Variants in LIMCH1 observed in about 807,000 individuals in gnomAD.
LIMCH1 encodes the protein LIM and calponin homology domains 1.
Under a neutral mutation model 176.5 loss-of-function variants are expected in LIMCH1, and 113 were observed. The ratio of observed to expected loss-of-function variants is 0.64; its 90% CI spans 0.55 to 0.75. The LOEUF (loss-of-function observed/expected upper bound fraction) is 0.75. Ranked by LOEUF, LIMCH1 falls within the 30% of genes least tolerant of loss-of-function variation. The probability of loss-of-function intolerance (pLI) is 0.00; values close to 1 mark genes in which losing one functional copy is unlikely to be tolerated. For missense variants in LIMCH1, 1,674 were observed against 1,814.9 expected, an observed-to-expected ratio of 0.92 and a Z score of 1.41; for synonymous variants, 619 against 645.9, an observed-to-expected ratio of 0.96 and a Z score of 0.63.
At chr4:41,565,275 A>G (rs1227776832) in intron 1 of LIMCH1, among the ~76,000 whole-genome samples, 2 of 151,296 alleles carry the variant, frequency 1.3e-5, no homozygotes, top group Admixed American at 6.6e-5. Flanking sequence ...TGCTTTATGC[A>G]TAGTGATTCG....
At chr4:41,638,841 A>G (rs1020293664) in intron 13 of LIMCH1, 91 bp from the exon 14 acceptor site, 43 of 1,022,170 alleles carry the variant, frequency 4.2e-5, no homozygotes, top group Middle Eastern at 2.0e-4. Flanking sequence ...TTTGGCGCAC[A>G]TGTATTTCAC....
At chr4:41,630,532 T>A (rs2093263265) in intron 9 of LIMCH1, among the ~76,000 whole-genome samples, 1 of 152,220 alleles carries the variant, frequency 6.6e-6, no homozygotes, top group Non-Finnish European at 1.5e-5. Context: ...TGCCCTTGTT[T>A]ATGATGTTAG....
intron 14 of LIMCH1, among the ~76,000 whole-genome samples, chr4:41,641,474 T>C (rs931615517): frequency 6.6e-6 from 1 of 151,160 alleles, no homozygotes; most frequent in Non-Finnish European, 1.5e-5. Context: ...AAAAAAAAAA[T>C]CTTGAGAAAA....
At chr4:41,678,767 A>T (rs1713212225) in intron 23 of LIMCH1, among the ~76,000 whole-genome samples, 1 of 149,210 alleles carries the variant, frequency 6.7e-6, no homozygotes, top group Admixed American at 6.8e-5. Flanking sequence ...TGCATCTTTC[A>T]CTCTCTGCAT....
chr4:41,528,754 G>A (rs2076949703), intron 3 of LIMCH1, among the ~76,000 whole-genome samples: 1 of 152,130 alleles, frequency 6.6e-6, no homozygotes, highest in African/African-American at 2.4e-5. Flanking sequence ...CATTAAGATG[G>A]CCCAGCTGCT....
intron 2 of LIMCH1, among the ~76,000 whole-genome samples, chr4:41,501,429 C>G (rs559312443): frequency 6.6e-6 from 1 of 152,156 alleles, no homozygotes; most frequent in South Asian, 2.1e-4. Context: ...CTTAGAAGGC[C>G]GAAAAGATTC....
At chr4:41,400,864 C>T (rs770009301) in intron 1 of LIMCH1, among the ~76,000 whole-genome samples, 8 of 152,040 alleles carry the variant, frequency 5.3e-5, no homozygotes, top group Admixed American at 6.6e-5. Flanking sequence ...TCTTGGAGCC[C>T]GCTTTTTGTT....
At chr4:41,678,994 G>T (rs563167347) in intron 23 of LIMCH1, among the ~76,000 whole-genome samples, 3 of 152,258 alleles carry the variant, frequency 2.0e-5, no homozygotes, top group East Asian at 1.9e-4. Flanking sequence ...GATCAACAAT[G>T]ATTTTGTTAG....
intron 31 of LIMCH1, among the ~76,000 whole-genome samples, chr4:41,696,679 G>A (rs1730923969): frequency 6.6e-6 from 1 of 152,106 alleles, no homozygotes; most frequent in Non-Finnish European, 1.5e-5. Context: ...ATACTGTACT[G>A]GGTATTGCGT....
At chr4:41,388,862 C>T (rs1026747214) in intron 1 of LIMCH1, among the ~76,000 whole-genome samples, 1 of 152,128 alleles carries the variant, frequency 6.6e-6, no homozygotes, top group Non-Finnish European at 1.5e-5. Flanking sequence ...AGGCTGGTCT[C>T]GAACTCCAGA....
At chr4:41,369,183 C>A (rs902081290) in intron 1 of LIMCH1, among the ~76,000 whole-genome samples, 1 of 152,140 alleles carries the variant, frequency 6.6e-6, no homozygotes, top group African/African-American at 2.4e-5. Flanking sequence ...TTCTTAGACC[C>A]CCTCCCCCAT....
chr4:41,629,883 C>T (rs1405109672), intron 9 of LIMCH1, 149 bp downstream of exon 9: 11 of 933,394 alleles, frequency 1.2e-5, no homozygotes, highest in Non-Finnish European at 1.5e-5. Context: ...TCACAGTTCA[C>T]TGTACCCTCG....
Position 41,687,896 on chromosome 4 carries a change from C to G in LIMCH1, c.4145C>G (p.Pro1382Arg), listed in dbSNP as rs140341643. ...CCTTTCTCTCCCTGTTCTCCCACCCCTCCCGGTCAGTCACCAAACAGGTAC... is the reference window on the plus strand; with the variant it reads ...CCTTTCTCTCCCTGTTCTCCCACCCGTCCCGGTCAGTCACCAAACAGGTAC... ...AGPFSPCSPTPPGQSPNRSIS... is the reference protein window; with the variant it reads ...AGPFSPCSPTRPGQSPNRSIS... The change falls in exon 29 of 32, where the codon CCT (proline) becomes CGT (arginine). Residue 1382 changes from proline to arginine, a missense_variant. Around this residue, in one of 3 missense-constraint regions of LIMCH1, gnomAD observed 1,015 missense variants for 1,102.5 expected, o/e 0.92. Transcript: ENST00000503057. The G allele has an allele frequency of 3.6e-5, 58 of 1,613,554 alleles. No homozygotes were observed. Among genetic ancestry groups the G allele is most frequent in the Middle Eastern group, 1.7e-4 (1 of 6,056 alleles).
chr4:41,637,517 T>A (rs1006797339), intron 13 of LIMCH1, among the ~76,000 whole-genome samples: 1 of 152,220 alleles, frequency 6.6e-6, no homozygotes, highest in Admixed American at 6.5e-5. Context: ...AGAACCCACT[T>A]GTCATCTGCT....
Position 41,497,805 on chromosome 4 carries a change from CA to C in LIMCH1, c.167+3213del, listed in dbSNP as rs58720797. Among the ~76,000 whole-genome samples, 286 of 140,334 alleles carry C rather than the reference CA, an allele frequency of 2.0e-3. 1 individual carries two copies. The highest frequency in any genetic ancestry group is 3.7e-3 in the Middle Eastern group (1 of 272). The allele number at this position is 140,334 out of a possible 152,430, so 92.1% of individuals were successfully genotyped here. ...GGGCAACAAGAGCGAAACTTCGTCTCAAAAAAAAAAAAAATTAAGTTTAGGA... is the reference window on the plus strand; with the variant it reads ...GGGCAACAAGAGCGAAACTTCGTCTCAAAAAAAAAAAAATTAAGTTTAGGA... On this transcript the variant is annotated intron_variant, in intron 2 of 26. Transcript: ENST00000313860.
intron 1 of LIMCH1, among the ~76,000 whole-genome samples, chr4:41,370,726 C>A (rs2053832699): frequency 6.6e-6 from 1 of 152,146 alleles, no homozygotes; most frequent in African/African-American, 2.4e-5. Flanking sequence ...AAAATAACAG[C>A]AAACACACTT....
At chr4:41,583,341 TC>T (rs1225331983) in intron 1 of LIMCH1, among the ~76,000 whole-genome samples, 1 of 152,220 alleles carries the variant, frequency 6.6e-6, no homozygotes, top group East Asian at 1.9e-4. Flanking sequence ...TCTCCTCTCT[TC>T]CCCCCTCCAT....
intron 20 of LIMCH1, among the ~76,000 whole-genome samples, chr4:41,666,206 C>T (rs889394561): frequency 4.6e-5 from 7 of 152,158 alleles, no homozygotes; most frequent in Admixed American, 4.6e-4. Context: ...AATCTCCTGA[C>T]ATTACAGATT....
intron 7 of LIMCH1, among the ~76,000 whole-genome samples, chr4:41,624,420 C>T (rs1057472320): frequency 1.3e-5 from 2 of 152,058 alleles, no homozygotes; most frequent in Non-Finnish European, 2.9e-5. Context: ...CCTTACCAAA[C>T]GCCGGTTCAC....
Sources: gnomAD v4.1 joint callset for allele counts (sites outside exome capture counted in the v4.1 genomes callset) on GRCh38, gnomAD v4.1.1 for gene constraint, gnomAD v4.1.1 regional missense constraint, MANE v1.5 for transcripts, NCBI Gene and HGNC (gene_info 2026-07-23, HGNC 2026-07-21) for gene names.